OSBP2: variants seen among roughly 807,000 people sequenced by gnomAD.
OSBP2 encodes oxysterol-binding protein 2.
Under a neutral mutation model 96.0 loss-of-function variants are expected in OSBP2, and 66 were observed. That is an observed-to-expected ratio of 0.69 (90% CI 0.56 to 0.84). The LOEUF (loss-of-function observed/expected upper bound fraction) is 0.84, where lower values mean the gene tolerates loss of function less well. OSBP2 is among the 40% of genes least tolerant of loss of function. The probability of loss-of-function intolerance (pLI) is 0.00; values close to 1 mark genes in which losing one functional copy is unlikely to be tolerated. For missense variants in OSBP2, 1,038 were observed against 1,222.7 expected (o/e 0.85, Z 2.25); for synonymous variants, 525 against 520.9 (o/e 1.01, Z -0.11).
At chr22:30,887,667 G>C (rs1176292974) in intron 4 of OSBP2, 49 bp downstream of exon 4, 2 of 1,471,908 alleles carry the variant, frequency 1.4e-6, no homozygotes, top group African/African-American at 1.4e-5. Context: ...CTGCCAGCTG[G>C]CTCTGCATAC....
Position 30,902,551 on chromosome 22 carries a change from G to A in OSBP2, c.2376-3286G>A, listed in dbSNP as rs950864120. ...GGAGGCAGGGGAGGTAGTCACCCAG[G>A]TGACTGGGAAACAGGCCCCCAACTG... On this transcript the variant is annotated intron_variant, in intron 12 of 13. Transcript: ENST00000332585. 2.7e-5 allele frequency: 34 copies of A among 1,239,228 alleles called. No individual in the cohort carries two copies. In the African/African-American group the frequency reaches 4.2e-4, roughly 15 times the overall value. 76.8% of individuals were successfully genotyped at this position (1,239,228 alleles called of 1,614,324 possible).
At chr22:30,858,730 T>C (rs2039139346) in intron 2 of OSBP2, among the ~76,000 whole-genome samples, 1 of 151,054 alleles carries the variant, frequency 6.6e-6, no homozygotes, top group Non-Finnish European at 1.5e-5. Flanking sequence ...AATACAAAAA[T>C]TAGCCAGGTG....
chr22:30,723,219 G>A (rs2089583577), intron 1 of OSBP2, among the ~76,000 whole-genome samples: 2 of 152,052 alleles, frequency 1.3e-5, no homozygotes, highest in Admixed American at 6.6e-5. Flanking sequence ...CGATTCTCCT[G>A]CCTCAGCCTC....
chr22:30,872,148 G>A lies in OSBP2; in HGVS notation c.1107+1466G>A, dbSNP rs1322700299. On this transcript the variant is annotated intron_variant, in intron 3 of 13. Coordinates refer to ENST00000332585, the MANE Select transcript of OSBP2 (RefSeq NM_030758.4). ...GGCTGCTGGGCCACCCTGCGTGTTGGCCCCATTGTCACCTGCACTGTTTTC... is the reference window on the plus strand; with the variant it reads ...GGCTGCTGGGCCACCCTGCGTGTTGACCCCATTGTCACCTGCACTGTTTTC... Among the ~76,000 whole-genome samples the A allele has an allele frequency of 2.0e-5, 3 of 152,180 alleles. No homozygotes were observed. The East Asian group carries it at 5.8e-4, about 29-fold the overall frequency.
At chr22:30,759,559 A>G (rs1232885329) in intron 2 of OSBP2, among the ~76,000 whole-genome samples, 2 of 152,222 alleles carry the variant, frequency 1.3e-5, no homozygotes, top group Non-Finnish European at 2.9e-5. Flanking sequence ...GATACATAAT[A>G]CATAAAAGGA....
intron 1 of OSBP2, among the ~76,000 whole-genome samples, chr22:30,727,387 A>C (rs1454695189): frequency 6.6e-6 from 1 of 152,196 alleles, no homozygotes; most frequent in Non-Finnish European, 1.5e-5. Context: ...CAAAAACCAC[A>C]GAAAACCAAA....
intron 2 of OSBP2, among the ~76,000 whole-genome samples, chr22:30,838,106 A>G (rs2038675535): frequency 6.6e-6 from 1 of 152,230 alleles, no homozygotes; most frequent in Admixed American, 6.5e-5. Context: ...AGATAGCAGA[A>G]CTGTGAGGTT....
chr22:30,857,389 G>C (rs868017142), intron 2 of OSBP2, among the ~76,000 whole-genome samples: 6 of 152,192 alleles, frequency 3.9e-5, no homozygotes, highest in African/African-American at 4.8e-5. Context: ...ACAGCCGACT[G>C]GTGGACAGAT....
chr22:30,696,997 G>A (rs2089053448), intron 1 of OSBP2, among the ~76,000 whole-genome samples: 1 of 152,004 alleles, frequency 6.6e-6, no homozygotes, highest in Non-Finnish European at 1.5e-5. Flanking sequence ...GGTTTGATGG[G>A]GAGACACAGA....
At chr22:30,803,542 C>G (rs908783446) in intron 2 of OSBP2, among the ~76,000 whole-genome samples, 1 of 152,180 alleles carries the variant, frequency 6.6e-6, no homozygotes, top group Non-Finnish European at 1.5e-5. Context: ...GGCCTGGCCC[C>G]GAGCAACCTA....
intron 2 of OSBP2, among the ~76,000 whole-genome samples, chr22:30,801,495 AGCCGTG>A (rs2090851156): frequency 6.6e-6 from 1 of 152,202 alleles, no homozygotes; most frequent in African/African-American, 2.4e-5. Context: ...TTTTTGTAGC[AGCCGTG>A]GTCAGTGAAT....
chr22:30,849,190 C>T (rs2085160513), intron 2 of OSBP2, among the ~76,000 whole-genome samples: 1 of 152,044 alleles, frequency 6.6e-6, no homozygotes, highest in Non-Finnish European at 1.5e-5. Flanking sequence ...ATTGCTTGAG[C>T]CCAAGGAGAT....
chr22:30,783,030 T>C (rs2090539770), intron 2 of OSBP2, among the ~76,000 whole-genome samples: 2 of 151,718 alleles, frequency 1.3e-5, no homozygotes, highest in Non-Finnish European at 2.9e-5. Flanking sequence ...GTGTCTGTTA[T>C]GTCCTTTCTG....
At chr22:30,865,030 A>G (rs1474670149) in intron 2 of OSBP2, among the ~76,000 whole-genome samples, 1 of 152,186 alleles carries the variant, frequency 6.6e-6, no homozygotes, top group Non-Finnish European at 1.5e-5. Context: ...GCTGCCCCCA[A>G]CAGGGCTTCC....
At chr22:30,786,455 C>T (rs988149785) in intron 2 of OSBP2, among the ~76,000 whole-genome samples, 2 of 152,088 alleles carry the variant, frequency 1.3e-5, no homozygotes, top group African/African-American at 4.8e-5. Context: ...GACCCCACTG[C>T]CTGCTGTGGG....
intron 2 of OSBP2, among the ~76,000 whole-genome samples, chr22:30,849,645 C>T (rs904667668): frequency 6.6e-5 from 10 of 152,122 alleles, no homozygotes; most frequent in African/African-American, 2.4e-4. Context: ...CAAGTTGTCA[C>T]GAACATATAT....
At chr22:30,790,171 C>T (rs888911054) in intron 2 of OSBP2, among the ~76,000 whole-genome samples, 1 of 152,024 alleles carries the variant, frequency 6.6e-6, no homozygotes, top group Non-Finnish European at 1.5e-5. Flanking sequence ...GGATGACGCA[C>T]AGGGCTTATT....
At chr22:30,723,787 G>C (rs892833313) in intron 1 of OSBP2, among the ~76,000 whole-genome samples, 8 of 152,156 alleles carry the variant, frequency 5.3e-5, no homozygotes, top group South Asian at 2.1e-4. Flanking sequence ...AGAAGGTACA[G>C]GATTTCCCAT....
At chr22:30,780,974 A>G (rs183333087) in intron 2 of OSBP2, among the ~76,000 whole-genome samples, 8 of 151,728 alleles carry the variant, frequency 5.3e-5, no homozygotes, top group African/African-American at 1.9e-4. Flanking sequence ...TTATTTTAAT[A>G]TTTAAAATTT....
Sources: allele counts gnomAD v4.1 joint callset (sites outside exome capture counted in the v4.1 genomes callset), GRCh38; gene constraint gnomAD v4.1.1; transcripts MANE v1.5; gene names NCBI Gene and HGNC (gene_info 2026-07-23, HGNC 2026-07-21).